The following NOS1AP variants were observed in gnomAD, a reference collection of about 807,000 sequenced individuals.
The protein encoded by NOS1AP is nitric oxide synthase 1 adaptor protein.
NOS1AP carries 21 observed loss-of-function variants against 56.2 expected under a neutral mutation model. The observed-to-expected ratio is 0.37, with a 90% CI of 0.26 to 0.54. The LOEUF is 0.54. Ranked by LOEUF, NOS1AP falls within the 20% of genes least tolerant of loss-of-function variation. The probability of loss-of-function intolerance (pLI) is 0.84; values close to 1 mark genes in which losing one functional copy is unlikely to be tolerated. For synonymous variants in NOS1AP, 270 were observed against 274.6 expected, an observed-to-expected ratio of 0.98 and a Z score of 0.17; for missense variants, 522 against 657.8, an observed-to-expected ratio of 0.79 and a Z score of 2.26.
At chr1:162,091,475 T>A (rs4657140) in intron 1 of NOS1AP, among the ~76,000 whole-genome samples, 1 of 152,138 alleles carries the variant, frequency 6.6e-6, no homozygotes, top group South Asian at 2.1e-4. Flanking sequence ...AAATTTGCTA[T>A]TTAGTTGCTC....
chr1:162,107,614 G>T (rs1647563502), intron 1 of NOS1AP, among the ~76,000 whole-genome samples: 1 of 152,134 alleles, frequency 6.6e-6, no homozygotes, highest in Admixed American at 6.5e-5. Flanking sequence ...AGAGTGGCAG[G>T]ATTACAGGCA....
intron 2 of NOS1AP, among the ~76,000 whole-genome samples, chr1:162,235,996 G>A (rs1465626956): frequency 6.6e-6 from 1 of 152,212 alleles, no homozygotes; most frequent in Non-Finnish European, 1.5e-5. Context: ...TTTGTTAGGA[G>A]CACAGTCTAC....
chr1:162,267,669 A>C (rs1015578006), intron 2 of NOS1AP, among the ~76,000 whole-genome samples: 1 of 152,032 alleles, frequency 6.6e-6, no homozygotes, highest in Non-Finnish European at 1.5e-5. Context: ...AGGCTGAGGC[A>C]GGAGGATCAC....
In NOS1AP at chr1:162,336,644, A is replaced by G. The variant is rs185468944; in HGVS notation, c.453+3519A>G. Among the ~76,000 whole-genome samples the G allele has an allele frequency of 3.3e-4, 50 of 152,366 alleles. 1 individual carries two copies. The highest frequency in any genetic ancestry group is 1.1e-3 in the African/African-American group (47 of 41,582). On this transcript the variant is annotated intron_variant, in intron 5 of 9. Coordinates refer to ENST00000361897, the MANE Select transcript of NOS1AP (RefSeq NM_014697.3). ...TCACCCTTGGTCACACAGTGAATCA[A>G]TGATGCCACTGAAATTAGAAACAGG...
At chr1:162,178,042 T>G (rs181360726) in intron 2 of NOS1AP, among the ~76,000 whole-genome samples, 1 of 152,380 alleles carries the variant, frequency 6.6e-6, no homozygotes, top group East Asian at 1.9e-4. Context: ...CTGATCTTTT[T>G]ACTGTCTATA....
At chr1:162,077,399 T>C (rs1368555071) in intron 1 of NOS1AP, among the ~76,000 whole-genome samples, 1 of 152,220 alleles carries the variant, frequency 6.6e-6, no homozygotes, top group Non-Finnish European at 1.5e-5. Flanking sequence ...ATTTATATAT[T>C]TTCTTTGGAG....
chr1:162,366,861 A>G lies in NOS1AP; in HGVS notation c.1106-191A>G, dbSNP rs373649331. The stretch of plus-strand genomic sequence containing the variant: ...CCACGTCCCAAAGCTCCTCCCCTCC[A>G]GCGAGGTGTGTCTGGAGCTATGTGG... On this transcript the variant is annotated intron_variant, in intron 9 of 9. Coordinates refer to ENST00000361897, the MANE Select transcript of NOS1AP (RefSeq NM_014697.3). The G allele has an allele frequency of 5.9e-6, 4 of 675,650 alleles. No individual in the cohort carries two copies. In the East Asian group the frequency reaches 1.0e-4, roughly 18 times the overall value. The allele number at this position is 675,650 out of a possible 1,614,324, so 41.9% of individuals were successfully genotyped here. A position where few individuals can be genotyped will look rare whatever the true frequency, so the allele number is the denominator to read the frequency against.
intron 2 of NOS1AP, among the ~76,000 whole-genome samples, chr1:162,235,058 C>T (rs1482289396): frequency 5.9e-5 from 9 of 152,094 alleles, no homozygotes; most frequent in African/African-American, 9.7e-5. Context: ...TAAACCTGAG[C>T]GTTCCTTCAG....
intron 2 of NOS1AP, among the ~76,000 whole-genome samples, chr1:162,247,331 A>T (rs190306479): frequency 7.9e-5 from 12 of 152,312 alleles, no homozygotes; most frequent in Admixed American, 5.2e-4. Context: ...AAAGAAAAAC[A>T]TAAATAAGGA....
At chr1:162,354,813 A>G (rs1657642857) in intron 6 of NOS1AP, among the ~76,000 whole-genome samples, 3 of 152,174 alleles carry the variant, frequency 2.0e-5, no homozygotes, top group Non-Finnish European at 4.4e-5. Flanking sequence ...CAACCTCCTC[A>G]TTTCTGGACC....
chr1:162,289,248 CCTT>C (rs759754491), intron 3 of NOS1AP, among the ~76,000 whole-genome samples: 75 of 98,644 alleles, frequency 7.6e-4, no homozygotes, highest in Middle Eastern at 4.6e-3. Flanking sequence ...TTCCTTCCTT[CCTT>C]CCTTCCTTCC....
In NOS1AP at chr1:162,367,696, G is replaced by A. The variant is rs1446641519; in HGVS notation, c.*229G>A. On this transcript the variant is annotated 3_prime_UTR_variant, in exon 10 of 10. Coordinates refer to ENST00000361897, the MANE Select transcript of NOS1AP (RefSeq NM_014697.3). The surrounding 1 kb of genome is among the most constrained non-coding windows in gnomAD (Gnocchi z 6.5). ...AGCTCCTCTCCTACTTGTGACTAGA[G>A]GGTGGTGGAGGTAAGGCCTTCCAGA... 3 of 571,712 alleles carry A rather than the reference G, an allele frequency of 5.2e-6. No individual in the cohort carries two copies. The highest frequency in any genetic ancestry group is 9.3e-6 in the Non-Finnish European group (3 of 323,664). The allele number at this position is 571,712 out of a possible 1,614,324, so 35.4% of individuals were successfully genotyped here. A position where few individuals can be genotyped will look rare whatever the true frequency, so the allele number is the denominator to read the frequency against.
chr1:162,155,069 G>T (rs190897520), intron 2 of NOS1AP, among the ~76,000 whole-genome samples: 85 of 151,904 alleles, frequency 5.6e-4, no homozygotes, highest in Middle Eastern at 3.4e-3. Flanking sequence ...ACTGTTGCCT[G>T]GATAAGGGAG....
At chr1:162,207,947 T>C (rs1652214391) in intron 2 of NOS1AP, among the ~76,000 whole-genome samples, 1 of 152,206 alleles carries the variant, frequency 6.6e-6, no homozygotes, top group Non-Finnish European at 1.5e-5. Context: ...TTTATTGTCT[T>C]TTTCTAATTA....
At chr1:162,224,005 C>A (rs1260352667) in intron 2 of NOS1AP, among the ~76,000 whole-genome samples, 1 of 152,156 alleles carries the variant, frequency 6.6e-6, no homozygotes, top group Non-Finnish European at 1.5e-5. Flanking sequence ...TAAGGGCACT[C>A]TCCAGTTCAC....
At chr1:162,178,927 C>T (rs1651160440) in intron 2 of NOS1AP, among the ~76,000 whole-genome samples, 1 of 152,110 alleles carries the variant, frequency 6.6e-6, no homozygotes, top group South Asian at 2.1e-4. Context: ...ACCTATCACT[C>T]AGGTCCTGGA....
intron 2 of NOS1AP, among the ~76,000 whole-genome samples, chr1:162,173,653 T>G (rs1414215618): frequency 6.6e-6 from 1 of 151,984 alleles, no homozygotes; most frequent in Non-Finnish European, 1.5e-5. Context: ...GGGAGAAAAT[T>G]TTTGCAACCT....
chr1:162,199,592 T>TTGCG (rs1183126721), intron 2 of NOS1AP, among the ~76,000 whole-genome samples: 4 of 131,690 alleles, frequency 3.0e-5, no homozygotes, highest in African/African-American at 1.1e-4. Flanking sequence ...AGAGCATGGA[T>TTGCG]TGCGTGTGTG....
At chr1:162,252,118 C>T (rs1174739358) in intron 2 of NOS1AP, among the ~76,000 whole-genome samples, 2 of 152,082 alleles carry the variant, frequency 1.3e-5, no homozygotes, top group South Asian at 2.1e-4. Context: ...TGGCTTACTG[C>T]AGCCTCAGCC....
Sources: gnomAD v4.1 joint callset for allele counts (sites outside exome capture counted in the v4.1 genomes callset) on GRCh38, gnomAD v4.1.1 for gene constraint, Gnocchi (gnomAD v3.1) non-coding constraint, MANE v1.5 for transcripts, NCBI Gene and HGNC (gene_info 2026-07-23, HGNC 2026-07-21) for gene names.